OPCML: variants seen among roughly 807,000 people sequenced by gnomAD.
OPCML encodes opioid binding protein/cell adhesion molecule like, also known as opioid-binding protein/cell adhesion molecule.
Under a neutral mutation model 37.8 loss-of-function variants are expected in OPCML, and 13 were observed. The observed-to-expected ratio is 0.34, with a 90% confidence interval of 0.22 to 0.55. The LOEUF is 0.55. OPCML is among the 20% of genes least tolerant of loss of function. The pLI is 0.91. For missense variants in OPCML, 341 were observed against 435.6 expected (o/e 0.78, Z 1.93); for synonymous variants, 176 against 168.8 (o/e 1.04, Z -0.33).
intron 1 of OPCML, among the ~76,000 whole-genome samples, chr11:133,404,045 C>G (rs1302102612): frequency 6.6e-6 from 1 of 152,208 alleles, no homozygotes; most frequent in Non-Finnish European, 1.5e-5. Flanking sequence ...GAGTTGGCTC[C>G]CCCTAGAGGC....
chr11:132,444,388 T>A (rs2136798594), intron 4 of OPCML, among the ~76,000 whole-genome samples: 1 of 152,320 alleles, frequency 6.6e-6, no homozygotes, highest in African/African-American at 2.4e-5. Context: ...GAGAGCCCCC[T>A]TCTTTTGAAG....
intron 1 of OPCML, among the ~76,000 whole-genome samples, chr11:133,463,140 CA>C (rs1565648450): frequency 1.8e-5 from 2 of 109,970 alleles, no homozygotes; most frequent in Non-Finnish European, 1.8e-5. Flanking sequence ...AAAAAAAAAT[CA>C]AAAAAACCTA....
chr11:133,079,758 T>A (rs1010073646), intron 1 of OPCML, among the ~76,000 whole-genome samples: 1 of 151,948 alleles, frequency 6.6e-6, no homozygotes, highest in Non-Finnish European at 1.5e-5. Flanking sequence ...CTGCCTGTTG[T>A]AAGGTGAGAG....
chr11:132,723,180 A>G (rs1426305441), intron 2 of OPCML, among the ~76,000 whole-genome samples: 1 of 152,254 alleles, frequency 6.6e-6, no homozygotes, highest in Middle Eastern at 3.2e-3. Context: ...GTGCCACAGC[A>G]TGCTTTTCAT....
intron 1 of OPCML, among the ~76,000 whole-genome samples, chr11:132,945,325 C>A (rs1945721768): frequency 6.6e-6 from 1 of 152,242 alleles, no homozygotes; most frequent in Admixed American, 6.5e-5. Flanking sequence ...TGGCTGCAAG[C>A]CTGTACAGCA....
At chr11:132,443,046 C>T (rs920830108) in intron 4 of OPCML, among the ~76,000 whole-genome samples, 7 of 152,232 alleles carry the variant, frequency 4.6e-5, no homozygotes, top group Non-Finnish European at 8.8e-5. Flanking sequence ...TAAAAGTCAC[C>T]TCTAAGCATC....
At chr11:133,060,251 C>T (rs1393472075) in intron 1 of OPCML, among the ~76,000 whole-genome samples, 1 of 151,602 alleles carries the variant, frequency 6.6e-6, no homozygotes, top group Non-Finnish European at 1.5e-5. Context: ...GGATTCACAG[C>T]TTCTAAGCTT....
intron 1 of OPCML, among the ~76,000 whole-genome samples, chr11:133,238,640 C>A (rs552983524): frequency 1.4e-4 from 22 of 152,226 alleles, no homozygotes; most frequent in African/African-American, 5.1e-4. Flanking sequence ...GTCATCAGAG[C>A]CTCCCGCCCT....
intron 2 of OPCML, among the ~76,000 whole-genome samples, chr11:132,808,911 C>T (rs1040394841): frequency 2.0e-5 from 3 of 151,676 alleles, no homozygotes; most frequent in African/African-American, 7.3e-5. Context: ...GTTTCAGATA[C>T]AAACATAATT....
intron 2 of OPCML, among the ~76,000 whole-genome samples, chr11:132,784,548 C>A (rs993460166): frequency 1.3e-5 from 2 of 152,104 alleles, no homozygotes; most frequent in African/African-American, 4.8e-5. Flanking sequence ...GCTGCTTGCT[C>A]TCACTGGACT....
At chr11:132,437,895 C>T (rs983949859) in intron 4 of OPCML, among the ~76,000 whole-genome samples, 1 of 152,084 alleles carries the variant, frequency 6.6e-6, no homozygotes, top group Admixed American at 6.5e-5. Context: ...GTTTTGTTTC[C>T]ACCTGTGTTG....
intron 1 of OPCML, among the ~76,000 whole-genome samples, chr11:133,263,946 T>C (rs1361723713): frequency 6.6e-6 from 1 of 152,220 alleles, no homozygotes; most frequent in Non-Finnish European, 1.5e-5. Context: ...TTACACAGGC[T>C]GCTGTCTAAG....
intron 1 of OPCML, among the ~76,000 whole-genome samples, chr11:133,069,973 C>T (rs780964117): frequency 5.2e-4 from 79 of 152,262 alleles, no homozygotes; most frequent in Non-Finnish European, 6.8e-4. Flanking sequence ...CAGCTCCCTG[C>T]TAAATTCCAC....
intron 2 of OPCML, among the ~76,000 whole-genome samples, chr11:132,868,601 C>T (rs746003510): frequency 6.6e-6 from 1 of 151,984 alleles, no homozygotes; most frequent in Non-Finnish European, 1.5e-5. Flanking sequence ...TCTTCTGGCC[C>T]GTGGGGAAGA....
At chr11:133,378,959 G>A (rs1449258157) in intron 1 of OPCML, among the ~76,000 whole-genome samples, 1 of 151,866 alleles carries the variant, frequency 6.6e-6, no homozygotes, top group African/African-American at 2.4e-5. Flanking sequence ...TTCTCACTAT[G>A]TTGCCCAGGC....
intron 1 of OPCML, among the ~76,000 whole-genome samples, chr11:133,164,163 G>A (rs1950179570): frequency 6.6e-6 from 1 of 152,212 alleles, no homozygotes; most frequent in Admixed American, 6.5e-5. Context: ...AGCAGCCACA[G>A]TGCAGTGCCC....
At chr11:133,237,153 CA>C (rs1940552775) in intron 1 of OPCML, among the ~76,000 whole-genome samples, 4 of 152,180 alleles carry the variant, frequency 2.6e-5, no homozygotes, top group Admixed American at 1.3e-4. Context: ...AATGATAGGG[CA>C]GCCCACATTT....
intron 2 of OPCML, among the ~76,000 whole-genome samples, chr11:132,914,655 C>T (rs1944546786): frequency 1.3e-5 from 2 of 152,308 alleles, no homozygotes; most frequent in Admixed American, 1.3e-4. Context: ...CAACAGGGCA[C>T]CTTGCAAGAC....
chr11:132,601,490 C>A (rs900892502), intron 3 of OPCML, among the ~76,000 whole-genome samples: 6 of 152,186 alleles, frequency 3.9e-5, no homozygotes, highest in African/African-American at 1.4e-4. Flanking sequence ...ATTATATCCA[C>A]GCTACCACGT....
Sources: gnomAD v4.1 joint callset for allele counts (sites outside exome capture counted in the v4.1 genomes callset) on GRCh38, gnomAD v4.1.1 for gene constraint, MANE v1.5 for transcripts, NCBI Gene and HGNC (gene_info 2026-07-23, HGNC 2026-07-21) for gene names.